Variants in SV2C observed in about 807,000 individuals in gnomAD.
SV2C encodes the protein solute carrier family 22 member B3.
Under a neutral mutation model 79.7 loss-of-function variants are expected in SV2C, and 49 were observed. The ratio of observed to expected loss-of-function variants is 0.61; its 90% CI spans 0.49 to 0.78. The LOEUF is 0.78. SV2C is among the 30% of genes least tolerant of loss of function. SV2C has a pLI of 0.00. For synonymous variants in SV2C, 334 were observed against 333.2 expected (o/e 1.00, Z -0.03); for missense variants, 833 against 912.9 (o/e 0.91, Z 1.13).
chr5:75,960,530 C>T, the SV2C span, among the ~76,000 whole-genome samples: 1 of 151,950 alleles, frequency 6.6e-6, no homozygotes. Context: ...ATACAGTAAC[C>T]TAATGTACAG....
intron 1 of SV2C, among the ~76,000 whole-genome samples, chr5:76,108,001 A>C (rs1441646624): frequency 1.3e-5 from 2 of 152,232 alleles, no homozygotes; most frequent in African/African-American, 4.8e-5. Flanking sequence ...GTATGCAAAA[A>C]TCACATTTTG....
At chr5:76,238,410 G>T (rs1321430081) in intron 4 of SV2C, among the ~76,000 whole-genome samples, 2 of 152,084 alleles carry the variant, frequency 1.3e-5, no homozygotes, top group South Asian at 2.1e-4. Context: ...GATTGACTAT[G>T]AGGTTTTGGG....
At position 76,285,168 on chromosome 5, in the gene SV2C, G is replaced by C; in HGVS notation, c.920G>C (p.Ser307Thr). 6.2e-7 allele frequency: 1 copy of C among 1,614,124 alleles called. No homozygotes were observed. The highest frequency in any genetic ancestry group is 2.2e-5 in the East Asian group (1 of 44,876). Residue 307 changes from serine (S) to threonine (T), a missense_variant, in exon 5 of 13, where the codon AGC (serine) becomes ACC (threonine). By Grantham distance (58) the Ser-to-Thr change is moderately conservative (BLOSUM62 1). Coordinates refer to ENST00000502798, the MANE Select transcript of SV2C (RefSeq NM_014979.4). ...CCGTGTCCTCCTTTTCCAGGGTGGA[G>C]CTTCAGCATGGGATCGGCCTACCAG... The part of the protein sequence containing the change: ...AWAIIPHYGW[S>T]FSMGSAYQFH...
the SV2C span, among the ~76,000 whole-genome samples, chr5:75,927,540 A>G: frequency 6.6e-6 from 1 of 152,152 alleles, no homozygotes; most frequent in Non-Finnish European, 1.5e-5. Context: ...TGAAGTTTCT[A>G]TTACACAAGA....
intron 4 of SV2C, among the ~76,000 whole-genome samples, chr5:76,222,942 TG>T (rs1745111787): frequency 6.6e-6 from 1 of 152,182 alleles, no homozygotes; most frequent in African/African-American, 2.4e-5. Flanking sequence ...ATTTGATCCT[TG>T]TTTCTTCAAA....
At chr5:76,215,696 T>C (rs1744891636) in intron 4 of SV2C, among the ~76,000 whole-genome samples, 1 of 152,190 alleles carries the variant, frequency 6.6e-6, no homozygotes, top group Admixed American at 6.5e-5. Context: ...TCCCTGTGCA[T>C]TGAGTTTGCA....
At chr5:75,927,994 A>T in the SV2C span, among the ~76,000 whole-genome samples, 1 of 152,236 alleles carries the variant, frequency 6.6e-6, no homozygotes, top group East Asian at 1.9e-4. Context: ...AGTGTCTATT[A>T]CATGCCAGAC....
chr5:76,061,272 A>G, the SV2C span, among the ~76,000 whole-genome samples: 1 of 148,796 alleles, frequency 6.7e-6, no homozygotes. Flanking sequence ...AATTTGTAAA[A>G]AAAAAAAAAA....
chr5:76,175,313 T>C (rs1743489109), intron 2 of SV2C, among the ~76,000 whole-genome samples: 1 of 152,182 alleles, frequency 6.6e-6, no homozygotes, highest in East Asian at 1.9e-4. Flanking sequence ...TGCTCTTTAC[T>C]GTAAAACAAA....
intron 3 of SV2C, among the ~76,000 whole-genome samples, chr5:76,201,366 G>A (rs1218314820): frequency 6.6e-6 from 1 of 152,194 alleles, no homozygotes; most frequent in Non-Finnish European, 1.5e-5. Flanking sequence ...TGGATGCTAG[G>A]CAATATCAGA....
chr5:76,326,727 G>A lies in SV2C; in HGVS notation c.*1180G>A, dbSNP rs1243549673. ...ATCACAGCCCGCCTGCACTCCTGAG[G>A]GCCCCTCTCACAGACAGACCATCTC... On this transcript the variant is annotated 3_prime_UTR_variant, in exon 13 of 13. Transcript: ENST00000502798. The A allele has an allele frequency of 6.6e-6, 1 of 152,426 alleles. No individual in the cohort carries two copies. The highest frequency in any genetic ancestry group is 1.5e-5 in the Non-Finnish European group (1 of 68,316). The allele number at this position is 152,426 out of a possible 1,614,324, so 9.4% of individuals were successfully genotyped here. A position where few individuals can be genotyped will look rare whatever the true frequency, so the allele number is the denominator to read the frequency against.
At chr5:76,320,484 T>C (rs550949671) in intron 12 of SV2C, among the ~76,000 whole-genome samples, 8 of 152,224 alleles carry the variant, frequency 5.3e-5, no homozygotes, top group Admixed American at 6.5e-5. Context: ...AAATGTACCA[T>C]ACCAAAGCAA....
chr5:76,295,688 A>G, intron 8 of SV2C, 90 bp from the exon 9 acceptor site: 1 of 1,290,738 alleles, frequency 7.7e-7, no homozygotes, highest in Admixed American at 2.4e-5. Context: ...ATTCTCCGGG[A>G]ACTATTACCA....
intron 12 of SV2C, among the ~76,000 whole-genome samples, chr5:76,351,914 T>C (rs1349122954): frequency 6.6e-6 from 1 of 152,090 alleles, no homozygotes; most frequent in Non-Finnish European, 1.5e-5. Flanking sequence ...AAAATCTCAC[T>C]TTAAAAAAAA....
intron 4 of SV2C, among the ~76,000 whole-genome samples, chr5:76,258,352 G>C (rs1746359545): frequency 6.6e-6 from 1 of 152,082 alleles, no homozygotes; most frequent in Non-Finnish European, 1.5e-5. Context: ...ATCTCCCCTG[G>C]GCAAGGAGAA....
chr5:75,882,346 A>G, the SV2C span, among the ~76,000 whole-genome samples: 1 of 148,632 alleles, frequency 6.7e-6, no homozygotes, highest in Admixed American at 6.7e-5. Flanking sequence ...TACAGATTCA[A>G]TGCCATCCCC....
the SV2C span, among the ~76,000 whole-genome samples, chr5:76,047,852 G>A: frequency 0.026 from 3,787 of 145,636 alleles, 171 homozygotes; most frequent in African/African-American, 0.092. Context: ...TGCAAGCTCC[G>A]CCTCCCGGGT....
At chr5:76,236,123 A>G (rs1378393070) in intron 4 of SV2C, among the ~76,000 whole-genome samples, 1 of 152,232 alleles carries the variant, frequency 6.6e-6, no homozygotes, top group Non-Finnish European at 1.5e-5. Context: ...CAGCATACCC[A>G]AAGACTTCTA....
the SV2C span, among the ~76,000 whole-genome samples, chr5:75,969,526 A>C: frequency 2.0e-5 from 3 of 152,246 alleles, no homozygotes; most frequent in African/African-American, 7.2e-5. Context: ...TTGCAATCCT[A>C]GTCTCTGATA....
Sources: allele counts gnomAD v4.1 joint callset (sites outside exome capture counted in the v4.1 genomes callset), GRCh38; gene constraint gnomAD v4.1.1; transcripts MANE v1.5; gene names NCBI Gene and HGNC (gene_info 2026-07-23, HGNC 2026-07-21).